PYROXD1: variants seen among roughly 807,000 people sequenced by gnomAD.
PYROXD1 encodes pyridine nucleotide-disulphide oxidoreductase domain 1, also known as tRNA ligase complex-associated NAD(P)H dehydrogenase PYROXD1.
In PYROXD1, 42 loss-of-function variants were observed where a neutral mutation model predicts 62.0. That is an observed-to-expected ratio of 0.68 (90% CI 0.53 to 0.88). PYROXD1 has a LOEUF of 0.88. Among genes scored for constraint, PYROXD1 ranks in the 40% least tolerant of loss-of-function variants. The pLI is 0.00. For synonymous variants in PYROXD1, 170 were observed against 206.4 expected (o/e 0.82, Z 1.51); for missense variants, 493 against 604.8 (o/e 0.82, Z 1.94).
intron 5 of PYROXD1, among the ~76,000 whole-genome samples, chr12:21,452,772 C>A (rs755172597): frequency 7.9e-5 from 12 of 152,080 alleles, no homozygotes; most frequent in Non-Finnish European, 1.5e-4. Context: ...TATCCTCTAG[C>A]AGATGATTGA....
At chr12:21,438,838 G>C (rs1009786132) in intron 1 of PYROXD1, among the ~76,000 whole-genome samples, 14 of 152,032 alleles carry the variant, frequency 9.2e-5, no homozygotes, top group African/African-American at 3.4e-4. Flanking sequence ...ATATGATGCA[G>C]GCACCGTATT....
intron 10 of PYROXD1, among the ~76,000 whole-genome samples, chr12:21,463,554 T>C (rs1279090799): frequency 1.8e-4 from 27 of 152,000 alleles, no homozygotes; most frequent in Admixed American, 1.8e-3. Flanking sequence ...TAGCTGAGCA[T>C]GATGGTGTGC....
In PYROXD1 at chr12:21,470,482, A is replaced by G; in HGVS notation, c.*1728A>G. 1 of 1,051,600 alleles carries G rather than the reference A, an allele frequency of 9.5e-7. No individual in the cohort carries two copies. The highest frequency in any genetic ancestry group is 2.0e-5 in the South Asian group (1 of 51,128). The allele number at this position is 1,051,600 out of a possible 1,614,324, so 65.1% of individuals were successfully genotyped here. On this transcript the variant is annotated 3_prime_UTR_variant, in exon 12 of 12. Transcript: ENST00000240651. ...TAAGTATACAGGGGTCTAGTTTTTT[A>G]TCTACAAATTTCTATTCAAATATGA...
chr12:21,465,106 T>G (rs1390448948), intron 10 of PYROXD1, among the ~76,000 whole-genome samples: 1 of 152,176 alleles, frequency 6.6e-6, no homozygotes, highest in East Asian at 1.9e-4. Flanking sequence ...TCTTTGCTAT[T>G]GTGAATAGTG....
intron 7 of PYROXD1, chr12:21,460,806 A>G (rs1457428476): frequency 6.4e-6 from 2 of 314,260 alleles, no homozygotes; most frequent in Non-Finnish European, 1.2e-5. Flanking sequence ...CTATCTGCTA[A>G]TGCAGCTACC....
Position 21,471,146 on chromosome 12 carries a change from G to A in PYROXD1, c.*2392G>A, listed in dbSNP as rs549513342. ...ATAAGAAAGCTTTTGAAGGAATCAC[G>A]GAAAACAAATTTATAAAAGAAATAA... On this transcript the variant is annotated 3_prime_UTR_variant, in exon 12 of 12. Transcript: ENST00000240651. The A allele has an allele frequency of 2.2e-5, 33 of 1,512,850 alleles. No individual in the cohort carries two copies. The South Asian group carries it at 2.9e-4, about 13-fold the overall frequency. The allele number at this position is 1,512,850 out of a possible 1,614,324, so 93.7% of individuals were successfully genotyped here.
At chr12:21,466,835 C>G (rs1565556294) in intron 10 of PYROXD1, among the ~76,000 whole-genome samples, 1 of 152,068 alleles carries the variant, frequency 6.6e-6, no homozygotes, top group Non-Finnish European at 1.5e-5. Flanking sequence ...TACGTCCCAT[C>G]AATACCTTAT....
chr12:21,444,354 A>G (rs1221190439), intron 2 of PYROXD1, among the ~76,000 whole-genome samples: 1 of 152,236 alleles, frequency 6.6e-6, no homozygotes. Context: ...ACATAAGATA[A>G]GGAGATTAAA....
In PYROXD1 at chr12:21,467,443, G is replaced by A. The variant is rs376699566; in HGVS notation, c.1117-38G>A. On this transcript the variant is annotated intron_variant, in intron 10 of 11. Coordinates refer to ENST00000240651, the MANE Select transcript of PYROXD1 (RefSeq NM_024854.5). ...TTAACATTTTTCAGATAATGATCAT[G>A]AAAAATGACATTGTGTAACATTTTT... is the stretch of plus-strand genomic sequence containing the variant. 9 of 1,562,272 alleles carry A rather than the reference G, an allele frequency of 5.8e-6. No individual in the cohort carries two copies. In the African/African-American group the frequency reaches 1.2e-4, roughly 21 times the overall value.
chr12:21,462,099 A>G lies in PYROXD1; in HGVS notation c.972A>G (p.Glu324=). The G allele has an allele frequency of 6.2e-7, 1 of 1,610,140 alleles. No individual in the cohort carries two copies. Among genetic ancestry groups the G allele is most frequent in the Non-Finnish European group, 8.5e-7 (1 of 1,176,952 alleles). ...VSATGVTPNV[E]PFLHGNSFDL... ...CTACAGGAGTTACACCAAATGTAGA[A>G]CCTTTTCTCCATGGTAACAGTGTAA... Residue 324 remains glutamate (E), a synonymous_variant, in exon 9 of 12, where the codon GAA becomes GAG. Transcript: ENST00000240651.
chr12:21,465,094 A>T (rs549810948), intron 10 of PYROXD1, among the ~76,000 whole-genome samples: 1 of 152,250 alleles, frequency 6.6e-6, no homozygotes, highest in South Asian at 2.1e-4. Flanking sequence ...GTTGGTTCCA[A>T]GTCTTTGCTA....
intron 4 of PYROXD1, among the ~76,000 whole-genome samples, chr12:21,450,281 T>C (rs12831578): frequency 6.6e-6 from 1 of 152,160 alleles, no homozygotes; most frequent in East Asian, 1.9e-4. Flanking sequence ...TAACAACTTA[T>C]ATTACACACA....
At chr12:21,463,980 C>T (rs968484964) in intron 10 of PYROXD1, among the ~76,000 whole-genome samples, 2 of 152,154 alleles carry the variant, frequency 1.3e-5, no homozygotes, top group Non-Finnish European at 2.9e-5. Flanking sequence ...AGGAGAAGAG[C>T]TAAAAGTATT....
At chr12:21,438,085 G>C (rs915668192) in intron 1 of PYROXD1, 1 of 494,026 alleles carries the variant, frequency 2.0e-6, no homozygotes, top group Non-Finnish European at 3.6e-6. Flanking sequence ...TGTAATGTCA[G>C]AGCAGACATG....
intron 3 of PYROXD1, among the ~76,000 whole-genome samples, chr12:21,446,534 A>G (rs1407859884): frequency 6.6e-6 from 1 of 150,710 alleles, no homozygotes; most frequent in Non-Finnish European, 1.5e-5. Flanking sequence ...TTTAAGGAAG[A>G]TACATCTGAT....
At position 21,468,494 on chromosome 12, in the gene PYROXD1, C is replaced by T; in HGVS notation, c.1255-12C>T. ...ATACTCATGACAATAACCTTTTTATCTCTAAATATAGGTTGTACTGCTGGG... is the reference window on the plus strand; with the variant it reads ...ATACTCATGACAATAACCTTTTTATTTCTAAATATAGGTTGTACTGCTGGG... On this transcript the variant is annotated splice_polypyrimidine_tract_variant and intron_variant, in intron 11 of 11. Transcript: ENST00000240651. 6.2e-7 allele frequency: 1 copy of T among 1,602,580 alleles called. No individual in the cohort carries two copies. The highest frequency in any genetic ancestry group is 1.3e-5 in the African/African-American group (1 of 74,644).
Position 21,452,303 on chromosome 12 carries a change from A to G in PYROXD1, c.488+149A>G, listed in dbSNP as rs3759230. On this transcript the variant is annotated intron_variant, in intron 5 of 11. Coordinates refer to ENST00000240651, the MANE Select transcript of PYROXD1 (RefSeq NM_024854.5). ...AAAATCAAAGATAAATATAATTTTC[A>G]TATGTTTTCAAGGGGAAAAATCCAC... 155 of 575,974 alleles carry G rather than the reference A, an allele frequency of 2.7e-4. No individual in the cohort carries two copies. In the East Asian group the frequency reaches 5.8e-3, roughly 22 times the overall value. 35.7% of individuals were successfully genotyped at this position (575,974 alleles called of 1,614,324 possible). A position where few individuals can be genotyped will look rare whatever the true frequency, so the allele number is the denominator to read the frequency against.
At chr12:21,467,889 C>G (rs1195392086) in intron 11 of PYROXD1, among the ~76,000 whole-genome samples, 2 of 151,812 alleles carry the variant, frequency 1.3e-5, no homozygotes, top group African/African-American at 4.8e-5. Flanking sequence ...GCATTTTTAA[C>G]TTTTACTTGT....
At chr12:21,443,825 C>A (rs978651964) in intron 2 of PYROXD1, among the ~76,000 whole-genome samples, 2 of 151,992 alleles carry the variant, frequency 1.3e-5, no homozygotes, top group African/African-American at 4.8e-5. Context: ...CCATGTTGTC[C>A]CTTTATAACC....
Sources: gnomAD v4.1 joint callset for allele counts (sites outside exome capture counted in the v4.1 genomes callset) on GRCh38, gnomAD v4.1.1 for gene constraint, MANE v1.5 for transcripts, NCBI Gene and HGNC (gene_info 2026-07-23, HGNC 2026-07-21) for gene names.